Variants in BRCA1 observed in about 807,000 individuals in gnomAD.
BRCA1 encodes BRCA1 DNA repair associated, also known as breast cancer type 1 susceptibility protein.
A neutral mutation model predicts 173.7 loss-of-function variants in BRCA1; 140 were observed. That is an observed-to-expected ratio of 0.81 (90% CI 0.70 to 0.93). BRCA1 has a LOEUF of 0.93. Among genes scored for constraint, BRCA1 ranks in the 40% least tolerant of loss-of-function variants. BRCA1 has a pLI of 0.00. For missense variants in BRCA1, 1,983 were observed against 2,172.5 expected (o/e 0.91, Z 1.73); for synonymous variants, 662 against 756.0 (o/e 0.88, Z 2.04).
intron 6 of BRCA1, among the ~76,000 whole-genome samples, chr17:43,103,490 C>G (rs905046525): frequency 2.7e-5 from 4 of 149,710 alleles, no homozygotes; most frequent in African/African-American, 9.8e-5. Flanking sequence ...AAAAAGAAAT[C>G]TGTCTTTTTG....
intron 11 of BRCA1, among the ~76,000 whole-genome samples, chr17:43,086,417 G>A (rs1454147952): frequency 6.6e-6 from 1 of 151,526 alleles, no homozygotes; most frequent in East Asian, 1.9e-4. Flanking sequence ...TACCAAATTA[G>A]GAATTCTCTA....
intron 2 of BRCA1, among the ~76,000 whole-genome samples, chr17:43,116,843 GTC>G (rs2055319673): frequency 1.3e-5 from 2 of 152,102 alleles, no homozygotes; most frequent in African/African-American, 4.8e-5. Flanking sequence ...ATCTATAGGT[GTC>G]TCTTACTTTT....
intron 3 of BRCA1, among the ~76,000 whole-genome samples, chr17:43,107,231 A>G (rs1248446278): frequency 6.6e-6 from 1 of 150,996 alleles, no homozygotes; most frequent in Non-Finnish European, 1.5e-5. Flanking sequence ...TGCCCGGCTA[A>G]TTTTTTTATT....
At chr17:43,108,040 G>A (rs961479522) in intron 3 of BRCA1, among the ~76,000 whole-genome samples, 6 of 152,002 alleles carry the variant, frequency 3.9e-5, no homozygotes, top group East Asian at 3.9e-4. Flanking sequence ...AAAAGATTAA[G>A]GGGCTAAAAA....
chr17:43,140,062 T>C, intron 1 of BRCA1: 1 of 384,744 alleles, frequency 2.6e-6, no homozygotes, highest in East Asian at 7.4e-5. Context: ...GGTTGGAAGC[T>C]TAGTGCTTTC....
intron 11 of BRCA1, among the ~76,000 whole-genome samples, chr17:43,083,834 T>C (rs1348869245): frequency 6.6e-6 from 1 of 152,208 alleles, no homozygotes; most frequent in East Asian, 1.9e-4. Context: ...TGTAAGGAGT[T>C]TTCCAAAATA....
intron 2 of BRCA1, 148 bp from the exon 3 acceptor site, chr17:43,115,927 G>T: frequency 1.3e-6 from 1 of 751,928 alleles, no homozygotes. Context: ...TTTATTAAAT[G>T]TCTGCTGTGT....
chr17:43,063,811 T>C, intron 17 of BRCA1, 63 bp downstream of exon 17: 3 of 1,365,928 alleles, frequency 2.2e-6, no homozygotes, highest in Non-Finnish European at 2.1e-6. Context: ...TGTTAAACGT[T>C]AGGTGTAAAA....
intron 22 of BRCA1, among the ~76,000 whole-genome samples, chr17:43,046,376 G>A (rs1003172660): frequency 6.6e-6 from 1 of 151,680 alleles, no homozygotes; most frequent in African/African-American, 2.4e-5. Context: ...GATTACAGGT[G>A]CCTGCCACCA....
chr17:43,078,211 G>A lies in BRCA1; in HGVS notation c.4358-1597C>T, dbSNP rs8176202. Among the ~76,000 whole-genome samples, 45,544 of 151,836 alleles carry A rather than the reference G, an allele frequency of 0.3. 7,384 individuals carry two copies. Among genetic ancestry groups the A allele is most frequent in the South Asian group, 0.49 (2,368 of 4,816 alleles). On this transcript the variant is annotated intron_variant, in intron 12 of 22. Transcript: ENST00000357654. ...CGATTCTCCTGCCTTAGCCTCCCAAGAAGATGGGATTATAGGTGCCCACCA... is the reference window on the plus strand; with the variant it reads ...CGATTCTCCTGCCTTAGCCTCCCAAAAAGATGGGATTATAGGTGCCCACCA...
chr17:43,092,983 T>C lies in BRCA1; in HGVS notation c.2548A>G (p.Ser850Gly), dbSNP rs1555589429. 1 of 1,613,422 alleles carries C rather than the reference T, an allele frequency of 6.2e-7. No individual in the cohort carries two copies. Among genetic ancestry groups the C allele is most frequent in the Non-Finnish European group, 8.5e-7 (1 of 1,179,508 alleles). Residue 850 changes from serine (S) to glycine (G), a missense_variant, in exon 10 of 23, where the codon AGT becomes GGT. Ser to Gly is a moderately conservative substitution (Grantham distance 56). Coordinates refer to ENST00000357654, the MANE Select transcript of BRCA1 (RefSeq NM_007294.4). Reference protein sequence around the residue: ...SRETSIEMEESELDAQYLQNT... With the variant: ...SRETSIEMEEGELDAQYLQNT... The stretch of plus-strand genomic sequence containing the variant: ...TGCAAATACTGAGCATCAAGTTCAC[T>C]TTCTTCCATTTCTATGCTTGTTTCC...
chr17:43,063,971 C>CA lies in BRCA1; in HGVS notation c.5075-21dup. 1 of 1,611,698 alleles carries CA rather than the reference C, an allele frequency of 6.2e-7. No homozygotes were observed. The highest frequency in any genetic ancestry group is 8.5e-7 in the Non-Finnish European group (1 of 1,177,956). On this transcript the variant is annotated intron_variant, in intron 16 of 22. Coordinates refer to ENST00000357654, the MANE Select transcript of BRCA1 (RefSeq NM_007294.4). Reference sequence around the variant, plus strand: ...CAGCATCTGCAGAATGAAAAACACTCAAAGGATTAGAAGTTGAAAACAAAA... The same window carrying CA: ...CAGCATCTGCAGAATGAAAAACACTCAAAAGGATTAGAAGTTGAAAACAAAA...
chr17:43,164,555 GTAATA>G (rs905982734), intron 1 of BRCA1: 1 of 152,238 alleles, frequency 6.6e-6, no homozygotes, highest in African/African-American at 2.4e-5. Context: ...AGAAAGAAGA[GTAATA>G]GAATAGATGA....
chr17:43,152,395 A>G (rs1378802326), intron 1 of BRCA1, among the ~76,000 whole-genome samples: 1 of 152,208 alleles, frequency 6.6e-6, no homozygotes, highest in African/African-American at 2.4e-5. Context: ...AAGACGTAGT[A>G]GAGACGCAAG....
Position 43,085,134 on chromosome 17 carries a change from G to C in BRCA1, c.4186-2559C>G, listed in dbSNP as rs550525916. 2.4e-4 allele frequency among the ~76,000 whole-genome samples: 37 copies of C among 152,220 alleles called. 1 individual carries two copies. Among genetic ancestry groups the C allele is most frequent in the Admixed American group, 4.6e-4 (7 of 15,292 alleles). ...TCTAGCCTTCTACTTCTACTATGCT[G>C]CTCTGATCTCTACTTTTAATACAGC... On this transcript the variant is annotated intron_variant, in intron 11 of 22. Transcript: ENST00000357654.
At chr17:43,150,263 C>A (rs1005875626) in intron 1 of BRCA1, among the ~76,000 whole-genome samples, 2 of 152,080 alleles carry the variant, frequency 1.3e-5, no homozygotes, top group East Asian at 1.9e-4. Context: ...GCTGTCACTA[C>A]TACACCTGGC....
intron 1 of BRCA1, among the ~76,000 whole-genome samples, chr17:43,149,001 C>A (rs1308966291): frequency 6.6e-6 from 1 of 152,172 alleles, no homozygotes. Flanking sequence ...ACTGCCCCCA[C>A]ACACCAGAAT....
At chr17:43,077,797 G>T (rs2052808499) in intron 12 of BRCA1, among the ~76,000 whole-genome samples, 1 of 151,856 alleles carries the variant, frequency 6.6e-6, no homozygotes, top group Non-Finnish European at 1.5e-5. Context: ...GCAATGGCAT[G>T]ATCTTGGCTC....
chr17:43,072,415 T>C (rs2052492361), intron 14 of BRCA1, among the ~76,000 whole-genome samples: 1 of 151,748 alleles, frequency 6.6e-6, no homozygotes, highest in East Asian at 1.9e-4. Context: ...TAATATTTTT[T>C]TTTTTGAGAA....
Sources: gnomAD v4.1 joint callset for allele counts (sites outside exome capture counted in the v4.1 genomes callset) on GRCh38, gnomAD v4.1.1 for gene constraint, MANE v1.5 for transcripts, NCBI Gene and HGNC (gene_info 2026-07-23, HGNC 2026-07-21) for gene names.